The following VPS13D variants were observed in gnomAD, a reference collection of about 807,000 sequenced individuals.
The protein encoded by VPS13D is intermembrane lipid transfer protein VPS13D.
VPS13D carries 187 observed loss-of-function variants against 461.9 expected under a neutral mutation model. The observed-to-expected ratio is 0.40, with a 90% CI of 0.36 to 0.46. The LOEUF (loss-of-function observed/expected upper bound fraction) is 0.46. Among genes scored for constraint, VPS13D ranks in the 20% least tolerant of loss-of-function variants. The pLI is 0.60. For synonymous variants in VPS13D, 1,951 were observed against 1,986.3 expected (o/e 0.98, Z 0.47); for missense variants, 4,711 against 5,364.9 (o/e 0.88, Z 3.81).
rs757514511 is a variant in VPS13D, at chr1:12,497,553, T to A, written c.12716T>A (p.Leu4239Gln). ...KPRCCTGPQGLLPRYSESQAE... is the reference protein window; with the variant it reads ...KPRCCTGPQGQLPRYSESQAE... ...CGTTGCTGCACGGGGCCCCAGGGGCTGCTTCCCCGATATTCTGAGAGCCAG... is the reference window on the plus strand; with the variant it reads ...CGTTGCTGCACGGGGCCCCAGGGGCAGCTTCCCCGATATTCTGAGAGCCAG... The change falls in exon 68 of 70, where the codon CTG becomes CAG. Residue 4239 changes from leucine (L) to glutamine (Q), a missense_variant. By Grantham distance (113) the Leu-to-Gln change is moderately radical. Coordinates refer to ENST00000620676, the MANE Select transcript of VPS13D (RefSeq NM_015378.4). The A allele has an allele frequency of 1.2e-6, 2 of 1,614,128 alleles. No individual in the cohort carries two copies. Among genetic ancestry groups the A allele is most frequent in the Non-Finnish European group, 1.7e-6 (2 of 1,180,002 alleles).
chr1:12,304,700 G>A lies in VPS13D; in HGVS notation c.6411G>A (p.Leu2137=), dbSNP rs1642514326. Residue 2137 remains leucine, a synonymous_variant, in exon 26 of 70, where the codon CTG becomes CTA. Transcript: ENST00000620676. Reference sequence around the variant, plus strand: ...AGCAGCAAGGGCCGCAACCCACACTGTCTGTTGGCCAAGAGTCCAGTAGTC... The same window carrying A: ...AGCAGCAAGGGCCGCAACCCACACTATCTGTTGGCCAAGAGTCCAGTAGTC... ...STKQQGPQPT[L]SVGQESSSPE... 1.9e-6 allele frequency: 3 copies of A among 1,613,832 alleles called. No individual in the cohort carries two copies. Among genetic ancestry groups the A allele is most frequent in the Non-Finnish European group, 1.7e-6 (2 of 1,180,030 alleles).
chr1:12,414,962 A>T, intron 63 of VPS13D, 125 bp from the exon 64 acceptor site: 3 of 1,102,658 alleles, frequency 2.7e-6, no homozygotes, highest in Non-Finnish European at 3.8e-6. Context: ...TTATTTATAA[A>T]CATCAAAACC....
Position 12,373,916 on chromosome 1 carries a change from C to T in VPS13D, c.10917+58C>T. ...AAGGTTTTTAGCACTGGACGGGACT[C>T]AGGATCACCCAGTGCAGAGTCCTTA... is the stretch of plus-strand genomic sequence containing the variant. On this transcript the variant is annotated intron_variant, in intron 55 of 69. Transcript: ENST00000620676. 10 of 1,318,970 alleles carry T rather than the reference C, an allele frequency of 7.6e-6. No homozygotes were observed. In the Admixed American group the frequency reaches 9.4e-5, roughly 12 times the overall value. 81.7% of individuals were successfully genotyped at this position (1,318,970 alleles called of 1,614,324 possible).
At chr1:12,508,758 C>T in intron 69 of VPS13D, 135 bp from the exon 70 acceptor site, 1 of 948,570 alleles carries the variant, frequency 1.1e-6, no homozygotes, top group Non-Finnish European at 1.6e-6. Flanking sequence ...AGGAGCAGCC[C>T]TGGCCATCAC....
In VPS13D at chr1:12,487,122, T is replaced by TA. The variant is rs148608994; in HGVS notation, c.12663-10373dup. ...TGCAGGGCCTGAAACAGATTCTCTT[T>TA]AAAAACCCATGAGTGTGGTGACTGC... On this transcript the variant is annotated intron_variant, in intron 67 of 69. Coordinates refer to ENST00000620676, the MANE Select transcript of VPS13D (RefSeq NM_015378.4). 4.8e-3 allele frequency among the ~76,000 whole-genome samples: 731 copies of TA among 152,298 alleles called. 5 individuals carry two copies. The highest frequency in any genetic ancestry group is 0.017 in the African/African-American group (706 of 41,558).
intron 42 of VPS13D, among the ~76,000 whole-genome samples, chr1:12,344,429 A>C (rs574284274): frequency 3.3e-5 from 5 of 152,280 alleles, no homozygotes; most frequent in African/African-American, 9.6e-5. Context: ...AAAAATCACT[A>C]TGCTGGGCAC....
intron 65 of VPS13D, among the ~76,000 whole-genome samples, chr1:12,428,150 A>C (rs1443832580): frequency 6.6e-6 from 1 of 152,166 alleles, no homozygotes; most frequent in African/African-American, 2.4e-5. Flanking sequence ...TAAGAGGAAA[A>C]GGAAGGTACT....
chr1:12,306,136 A>C (rs1642557540), intron 26 of VPS13D, among the ~76,000 whole-genome samples: 1 of 152,050 alleles, frequency 6.6e-6, no homozygotes, highest in Admixed American at 6.5e-5. Flanking sequence ...GGCGCCCGCC[A>C]CCACGCCTGG....
At chr1:12,308,754 A>G (rs1242531066) in intron 27 of VPS13D, 113 bp downstream of exon 27, 2 of 983,882 alleles carry the variant, frequency 2.0e-6, no homozygotes, top group Non-Finnish European at 1.5e-6. Context: ...GGTTCAAGTG[A>G]TTCTCCTCAG....
Position 12,363,061 on chromosome 1 carries a change from A to T in VPS13D, c.10273-11A>T. 1 of 1,613,620 alleles carries T rather than the reference A, an allele frequency of 6.2e-7. No homozygotes were observed. The highest frequency in any genetic ancestry group is 1.1e-5 in the South Asian group (1 of 91,004). On this transcript the variant is annotated splice_polypyrimidine_tract_variant and intron_variant, in intron 51 of 69. Transcript: ENST00000620676. Reference sequence around the variant, plus strand: ...CTTGTTGACTAAAGCCTGTGATCCTATGTGTTTTAGGGAACAGCCAATCCC... The same window carrying T: ...CTTGTTGACTAAAGCCTGTGATCCTTTGTGTTTTAGGGAACAGCCAATCCC...
intron 67 of VPS13D, among the ~76,000 whole-genome samples, chr1:12,486,042 C>T (rs1257194156): frequency 6.6e-6 from 1 of 152,184 alleles, no homozygotes; most frequent in Admixed American, 6.5e-5. Context: ...GCTTTACACC[C>T]AGGCGCTATG....
At chr1:12,403,798 GT>G (rs1557759344) in intron 62 of VPS13D, 26 bp from the exon 63 acceptor site, 3 of 1,554,150 alleles carry the variant, frequency 1.9e-6, no homozygotes, top group Admixed American at 2.2e-5. Flanking sequence ...ATTCTTTTTT[GT>G]TTTTTTAATT....
chr1:12,343,859 G>A (rs546731153), intron 42 of VPS13D, among the ~76,000 whole-genome samples: 1 of 152,230 alleles, frequency 6.6e-6, no homozygotes, highest in East Asian at 1.9e-4. Flanking sequence ...TTGGTGATAT[G>A]GTATTCTTAA....
intron 2 of VPS13D, among the ~76,000 whole-genome samples, chr1:12,239,088 C>T (rs1423772631): frequency 1.3e-5 from 2 of 151,988 alleles, no homozygotes; most frequent in Non-Finnish European, 2.9e-5. Flanking sequence ...GTCCATTTTG[C>T]CTGTAGGACT....
At chr1:12,466,236 G>A (rs1360992772) in intron 67 of VPS13D, among the ~76,000 whole-genome samples, 2 of 152,038 alleles carry the variant, frequency 1.3e-5, no homozygotes, top group African/African-American at 2.4e-5. Flanking sequence ...TGCTCTGAGA[G>A]CAGCCATTTC....
At chr1:12,348,777 GT>G in intron 44 of VPS13D, 45 bp from the exon 45 acceptor site, 1 of 1,604,806 alleles carries the variant, frequency 6.2e-7, no homozygotes, top group Non-Finnish European at 8.5e-7. Flanking sequence ...TATTTTATAT[GT>G]TTTTTCAGAA....
intron 65 of VPS13D, among the ~76,000 whole-genome samples, chr1:12,444,091 C>T (rs563947556): frequency 2.6e-5 from 4 of 152,174 alleles, no homozygotes; most frequent in African/African-American, 9.6e-5. Flanking sequence ...GTGATCCGCC[C>T]GCCCATCCCA....
chr1:12,390,905 G>C (rs1023081515), intron 60 of VPS13D, among the ~76,000 whole-genome samples: 2 of 152,144 alleles, frequency 1.3e-5, no homozygotes, highest in Non-Finnish European at 2.9e-5. Flanking sequence ...GGTGTCCACA[G>C]AACAGGTCAT....
rs1425165206 is a variant in VPS13D, at chr1:12,244,228, C to CT, written c.176-15dup. 6.3e-7 allele frequency: 1 copy of CT among 1,596,774 alleles called. No homozygotes were observed. Among genetic ancestry groups the CT allele is most frequent in the Admixed American group, 1.8e-5 (1 of 55,410 alleles). On this transcript the variant is annotated splice_polypyrimidine_tract_variant and intron_variant, in intron 3 of 69. Transcript: ENST00000620676. ...AAATGTGTACAGATGGTGAACAAGA[C>CT]TTTCCTTCTCCTTCCAGGCTTCATT...
Sources: allele counts gnomAD v4.1 joint callset (sites outside exome capture counted in the v4.1 genomes callset), GRCh38; gene constraint gnomAD v4.1.1; transcripts MANE v1.5; gene names NCBI Gene and HGNC (gene_info 2026-07-23, HGNC 2026-07-21).